CNTNAP4: variants seen among roughly 807,000 people sequenced by gnomAD.
CNTNAP4 encodes the protein contactin-associated protein-like 4.
In CNTNAP4, 98 loss-of-function variants were observed where a neutral mutation model predicts 148.4. The observed-to-expected ratio is 0.66, with a 90% CI of 0.56 to 0.78. The LOEUF is 0.78. Among genes scored for constraint, CNTNAP4 ranks in the 30% least tolerant of loss-of-function variants. The pLI is 0.00. For missense variants in CNTNAP4, 1,935 were observed against 1,565.6 expected (o/e 1.24, Z -3.98); for synonymous variants, 730 against 565.1 (o/e 1.29, Z -4.14).
intron 3 of CNTNAP4, among the ~76,000 whole-genome samples, chr16:76,390,527 A>G (rs2016884402): frequency 2.0e-5 from 3 of 151,828 alleles, no homozygotes; most frequent in Admixed American, 2.0e-4. Context: ...GAATCTGTTC[A>G]TGAACTGCAA....
chr16:76,544,340 T>G (rs1217675749), intron 21 of CNTNAP4, among the ~76,000 whole-genome samples: 1 of 152,088 alleles, frequency 6.6e-6, no homozygotes, highest in African/African-American at 2.4e-5. Flanking sequence ...ATTTTTCCAG[T>G]ACTCATTTCT....
At chr16:76,499,947 A>G (rs1160356772) in intron 15 of CNTNAP4, among the ~76,000 whole-genome samples, 2 of 152,080 alleles carry the variant, frequency 1.3e-5, no homozygotes, top group African/African-American at 2.4e-5. Flanking sequence ...GGAGTCTCCT[A>G]TGTCTACTTC....
chr16:76,465,284 G>A (rs1236445241), intron 9 of CNTNAP4, among the ~76,000 whole-genome samples: 1 of 152,142 alleles, frequency 6.6e-6, no homozygotes, highest in Non-Finnish European at 1.5e-5. Flanking sequence ...GCTTCTCTCT[G>A]GTATTGCATT....
chr16:76,349,451 C>T (rs1376525298), intron 2 of CNTNAP4, among the ~76,000 whole-genome samples: 3 of 152,096 alleles, frequency 2.0e-5, no homozygotes, highest in Non-Finnish European at 4.4e-5. Context: ...CTGAAACAAA[C>T]AACACTGGTA....
chr16:76,368,723 A>G (rs2014444195), intron 3 of CNTNAP4, among the ~76,000 whole-genome samples: 1 of 152,194 alleles, frequency 6.6e-6, no homozygotes. Context: ...CCTAATGTAG[A>G]TGATGGGTTG....
rs2012308270 is a variant in CNTNAP4 at position 76,354,507 on chromosome 16, T to C, written c.197-811T>C. Reference sequence around the variant, plus strand: ...TCTTACCCACCACCCTGCTCCCATATAGGATAGAAACAGTGGTGTGTTGGT... The same window carrying C: ...TCTTACCCACCACCCTGCTCCCATACAGGATAGAAACAGTGGTGTGTTGGT... On this transcript the variant is annotated intron_variant, in intron 2 of 23. Transcript: ENST00000611870. 2.0e-5 allele frequency among the ~76,000 whole-genome samples: 3 copies of C among 152,144 alleles called. No individual in the cohort carries two copies. The South Asian group carries it at 6.2e-4, about 31-fold the overall frequency.
intron 12 of CNTNAP4, among the ~76,000 whole-genome samples, chr16:76,481,432 C>G (rs34271733): frequency 2.0e-5 from 3 of 152,280 alleles, no homozygotes; most frequent in Non-Finnish European, 4.4e-5. Flanking sequence ...GTAATCCCAG[C>G]ACTTTGGGAA....
chr16:76,352,312 A>T (rs573213830), intron 2 of CNTNAP4, among the ~76,000 whole-genome samples: 27 of 152,282 alleles, frequency 1.8e-4, no homozygotes, highest in Non-Finnish European at 3.4e-4. Flanking sequence ...ACTCATCCAC[A>T]CGCCATGTCC....
intron 3 of CNTNAP4, among the ~76,000 whole-genome samples, chr16:76,381,344 C>T (rs1009417216): frequency 6.6e-6 from 1 of 152,152 alleles, no homozygotes; most frequent in Non-Finnish European, 1.5e-5. Context: ...CCAGTGCCCC[C>T]TCCCACCCCA....
chr16:76,521,890 G>A (rs574699347), intron 16 of CNTNAP4, 149 bp from the exon 17 acceptor site: 159 of 715,360 alleles, frequency 2.2e-4, no homozygotes, highest in Middle Eastern at 1.5e-3. Context: ...TCAGTGTCAT[G>A]AGTTTCAAAC....
chr16:76,331,152 G>T (rs1339070509), intron 2 of CNTNAP4, among the ~76,000 whole-genome samples: 1 of 150,690 alleles, frequency 6.6e-6, no homozygotes, highest in East Asian at 1.9e-4. Flanking sequence ...CTACCATTTT[G>T]ATTCCATTCT....
chr16:76,467,827 A>G (rs1416951476), intron 10 of CNTNAP4, among the ~76,000 whole-genome samples: 2 of 152,232 alleles, frequency 1.3e-5, no homozygotes, highest in Non-Finnish European at 2.9e-5. Flanking sequence ...TATTAAAAAT[A>G]TGTCATTAAA....
intron 1 of CNTNAP4, among the ~76,000 whole-genome samples, chr16:76,314,901 A>AT (rs913170114): frequency 1.9e-4 from 28 of 151,154 alleles, no homozygotes; most frequent in South Asian, 1.1e-3. Context: ...TATAATTTTC[A>AT]TTTTTTTTTG....
At chr16:76,314,752 C>A (rs1961522382) in intron 1 of CNTNAP4, among the ~76,000 whole-genome samples, 1 of 152,006 alleles carries the variant, frequency 6.6e-6, no homozygotes, top group Admixed American at 6.6e-5. Flanking sequence ...TTTTCCTAGC[C>A]CTCACTCAAG....
chr16:76,452,340 G>A (rs1316621467), intron 7 of CNTNAP4, among the ~76,000 whole-genome samples, 168 bp from the exon 8 acceptor site: 1 of 152,170 alleles, frequency 6.6e-6, no homozygotes, highest in Non-Finnish European at 1.5e-5. Flanking sequence ...GCAGAGCAAA[G>A]GGTTGAAGAA....
Position 76,401,504 on chromosome 16 carries a change from G to T in CNTNAP4, c.391-25948G>T, listed in dbSNP as rs1000289464. ...TGTCATCTGCAAACAGGGATAGTTTGACTTCCTCTCTTCCTATTTGGATAC... is the reference window on the plus strand; with the variant it reads ...TGTCATCTGCAAACAGGGATAGTTTTACTTCCTCTCTTCCTATTTGGATAC... On this transcript the variant is annotated intron_variant, in intron 3 of 23. Transcript: ENST00000611870. Among the ~76,000 whole-genome samples, 4 of 152,160 alleles carry T rather than the reference G, an allele frequency of 2.6e-5. No individual in the cohort carries two copies. In the East Asian group the frequency reaches 7.7e-4, roughly 29 times the overall value.
rs1234330275 is a variant in CNTNAP4 at position 76,560,468 on chromosome 16, A to T, written c.*1785A>T. Among the ~76,000 whole-genome samples, 1 of 152,214 alleles carries T rather than the reference A, an allele frequency of 6.6e-6. No individual in the cohort carries two copies. The highest frequency in any genetic ancestry group is 6.5e-5 in the Admixed American group (1 of 15,284). On this transcript the variant is annotated 3_prime_UTR_variant, in exon 24 of 24. Coordinates refer to ENST00000611870, the MANE Select transcript of CNTNAP4 (RefSeq NM_033401.5). ...GAAGATCTATGGTGACAAGGGAAGG[A>T]TTTAACATAGAAATGGCATTATTTA...
intron 9 of CNTNAP4, among the ~76,000 whole-genome samples, chr16:76,465,033 C>G (rs746312669): frequency 3.9e-5 from 6 of 152,206 alleles, no homozygotes; most frequent in Non-Finnish European, 7.3e-5. Flanking sequence ...ATTCTCACAT[C>G]CCCCTCCCTT....
At chr16:76,332,548 A>T (rs1403064533) in intron 2 of CNTNAP4, among the ~76,000 whole-genome samples, 1 of 151,618 alleles carries the variant, frequency 6.6e-6, no homozygotes, top group African/African-American at 2.4e-5. Context: ...ATTTTTTTTT[A>T]TAATTCACTT....
Sources: allele counts gnomAD v4.1 joint callset (sites outside exome capture counted in the v4.1 genomes callset), GRCh38; gene constraint gnomAD v4.1.1; transcripts MANE v1.5; gene names NCBI Gene and HGNC (gene_info 2026-07-23, HGNC 2026-07-21).